Variants in ROBO2 observed in about 807,000 individuals in gnomAD.
ROBO2 encodes the protein roundabout guidance receptor 2.
In ROBO2, 53 loss-of-function variants were observed where a neutral mutation model predicts 160.8. That is an observed-to-expected ratio of 0.33 (90% CI 0.26 to 0.41). ROBO2 has a LOEUF of 0.41. ROBO2 is among the 10% of genes least tolerant of loss of function. ROBO2 has a pLI of 1.00. For missense variants in ROBO2, 1,577 were observed against 1,722.4 expected (o/e 0.92, Z 1.49); for synonymous variants, 664 against 611.7 (o/e 1.09, Z -1.26).
chr3:75,930,652 C>T (rs1387542848), intron 1 of ROBO2, among the ~76,000 whole-genome samples: 3 of 152,130 alleles, frequency 2.0e-5, no homozygotes, highest in African/African-American at 2.4e-5. Context: ...CAATAGCACT[C>T]GAATAATTCA....
intron 2 of ROBO2, among the ~76,000 whole-genome samples, chr3:77,214,156 T>G (rs1417817481): frequency 6.6e-6 from 1 of 152,186 alleles, no homozygotes; most frequent in African/African-American, 2.4e-5. Context: ...GTCTCGTTTA[T>G]CTGTCTAATG....
chr3:76,009,189 G>A (rs1260789763), intron 2 of ROBO2, among the ~76,000 whole-genome samples: 1 of 152,046 alleles, frequency 6.6e-6, no homozygotes, highest in Admixed American at 6.6e-5. Flanking sequence ...TGCAAGCTCC[G>A]CCTCCCGGGT....
chr3:76,398,886 A>G (rs2077644081), intron 2 of ROBO2, among the ~76,000 whole-genome samples: 1 of 151,828 alleles, frequency 6.6e-6, no homozygotes. Context: ...TGAAGATGGA[A>G]GAAGGTACAT....
chr3:77,477,335 G>T, intron 2 of ROBO2, 79 bp from the exon 3 acceptor site: 1 of 1,419,112 alleles, frequency 7.0e-7, no homozygotes, highest in South Asian at 1.2e-5. Flanking sequence ...AGGTAAACAA[G>T]ACTTGAAGTT....
chr3:75,950,631 A>T (rs147024395), intron 2 of ROBO2, among the ~76,000 whole-genome samples: 9 of 152,054 alleles, frequency 5.9e-5, no homozygotes, highest in Non-Finnish European at 8.8e-5. Context: ...TCATTTCATT[A>T]TAATGTTGAT....
intron 5 of ROBO2, among the ~76,000 whole-genome samples, chr3:77,518,958 T>A (rs1454333931): frequency 6.6e-6 from 1 of 151,578 alleles, no homozygotes; most frequent in East Asian, 1.9e-4. Flanking sequence ...GTCACCAGAC[T>A]ATTGGCCTTG....
chr3:76,699,821 C>A (rs2093010042), intron 2 of ROBO2, among the ~76,000 whole-genome samples: 1 of 152,072 alleles, frequency 6.6e-6, no homozygotes, highest in Non-Finnish European at 1.5e-5. Context: ...CCCCTGTTTC[C>A]TCTTTAATTG....
At chr3:77,582,078 A>G (rs2093932881) in intron 16 of ROBO2, among the ~76,000 whole-genome samples, 1 of 152,178 alleles carries the variant, frequency 6.6e-6, no homozygotes, top group African/African-American at 2.4e-5. Context: ...AAGTAACTGC[A>G]TGGATTGTCA....
intron 2 of ROBO2, among the ~76,000 whole-genome samples, chr3:77,347,378 G>A (rs758923555): frequency 3.3e-5 from 5 of 151,700 alleles, no homozygotes; most frequent in South Asian, 2.1e-4. Flanking sequence ...CATAATTTGC[G>A]CTTCCATGTT....
At chr3:76,794,122 T>A (rs1258108592) in intron 2 of ROBO2, among the ~76,000 whole-genome samples, 1 of 151,940 alleles carries the variant, frequency 6.6e-6, no homozygotes, top group Non-Finnish European at 1.5e-5. Context: ...TAAAAACGTC[T>A]TATTAAAATT....
chr3:76,934,273 G>T (rs12633065), intron 2 of ROBO2, among the ~76,000 whole-genome samples: 66,757 of 151,162 alleles, frequency 0.44, 15,018 homozygotes, highest in African/African-American at 0.51. Context: ...CCTTTAAGCC[G>T]TCAAATCAGA....
chr3:76,536,538 C>T (rs140191794), intron 2 of ROBO2, among the ~76,000 whole-genome samples: 1 of 152,134 alleles, frequency 6.6e-6, no homozygotes, highest in East Asian at 1.9e-4. Flanking sequence ...TTGTATGCTG[C>T]CTTTTTCAGC....
At chr3:77,568,621 T>C (rs1360960034) in intron 13 of ROBO2, among the ~76,000 whole-genome samples, 187 bp downstream of exon 14, 1 of 152,056 alleles carries the variant, frequency 6.6e-6, no homozygotes, top group Non-Finnish European at 1.5e-5. Context: ...GAATAGATTA[T>C]TATATAAACA....
chr3:76,457,910 T>A (rs974632548), intron 2 of ROBO2, among the ~76,000 whole-genome samples: 3 of 152,046 alleles, frequency 2.0e-5, no homozygotes, highest in Non-Finnish European at 2.9e-5. Flanking sequence ...GGACACAGGG[T>A]ACCAAGTCTC....
Position 76,559,762 on chromosome 3 carries a change from A to G in ROBO2, c.110-538252A>G, listed in dbSNP as rs554429935. On this transcript the variant is annotated intron_variant, in intron 2 of 26. Transcript: ENST00000487694. The stretch of plus-strand genomic sequence containing the variant: ...TAGTGGAACAGGTGATGTCATATGG[A>G]TAAGCAACTACGGCTTTATTACCTG... Among the ~76,000 whole-genome samples, 5 of 152,256 alleles carry G rather than the reference A, an allele frequency of 3.3e-5. No homozygotes were observed. In the South Asian group the frequency reaches 8.3e-4, roughly 25 times the overall value.
intron 2 of ROBO2, among the ~76,000 whole-genome samples, chr3:77,410,585 CTCCTCCTCT>C (rs1171117848): frequency 2.0e-5 from 3 of 146,672 alleles, no homozygotes; most frequent in Admixed American, 6.8e-5. Context: ...CCTCTTCCTC[CTCCTCCTCT>C]TCCTCCTCCT....
intron 2 of ROBO2, among the ~76,000 whole-genome samples, chr3:77,303,417 T>C (rs576070078): frequency 1.3e-5 from 2 of 152,204 alleles, no homozygotes; most frequent in Non-Finnish European, 2.9e-5. Context: ...AGGTTTCTTT[T>C]GATATCACAT....
intron 2 of ROBO2, among the ~76,000 whole-genome samples, chr3:76,595,272 A>AAT (rs1345328026): frequency 3.3e-5 from 5 of 152,010 alleles, no homozygotes; most frequent in South Asian, 2.1e-4. Flanking sequence ...TATTTCTATA[A>AAT]ATATATATAT....
intron 2 of ROBO2, among the ~76,000 whole-genome samples, chr3:76,420,858 C>T (rs989782682): frequency 4.6e-5 from 7 of 152,146 alleles, no homozygotes; most frequent in African/African-American, 1.4e-4. Context: ...TGTGTCTCCA[C>T]AGAAAATTGT....
Sources: gnomAD v4.1 joint callset for allele counts (sites outside exome capture counted in the v4.1 genomes callset) on GRCh38, gnomAD v4.1.1 for gene constraint, MANE v1.5 for transcripts, NCBI Gene and HGNC (gene_info 2026-07-23, HGNC 2026-07-21) for gene names.